TRHDE: variants seen among roughly 807,000 people sequenced by gnomAD.
TRHDE encodes thyrotropin-releasing hormone-degrading ectoenzyme.
A neutral mutation model predicts 125.7 loss-of-function variants in TRHDE; 72 were observed. The observed-to-expected ratio is 0.57, with a 90% CI of 0.47 to 0.70. The LOEUF is 0.70. TRHDE is among the 30% of genes least tolerant of loss of function. The probability of loss-of-function intolerance (pLI) is 0.00; values close to 1 mark genes in which losing one functional copy is unlikely to be tolerated. For synonymous variants in TRHDE, 509 were observed against 509.1 expected (o/e 1.00, Z 0.00); for missense variants, 1,110 against 1,327.1 (o/e 0.84, Z 2.54).
chr12:72,134,638 T>A (rs1875940788), intron 2 of TRHDE, among the ~76,000 whole-genome samples: 1 of 152,088 alleles, frequency 6.6e-6, no homozygotes, highest in South Asian at 2.1e-4. Flanking sequence ...CAACCTGAAT[T>A]TACTCTTAAA....
intron 3 of TRHDE, among the ~76,000 whole-genome samples, chr12:72,427,797 G>C (rs139301157): frequency 1.5e-3 from 233 of 152,224 alleles, no homozygotes; most frequent in African/African-American, 5.5e-3. Context: ...GCACAGGCTG[G>C]ATGGCCATAT....
At chr12:72,473,206 C>T (rs1876732402) in intron 5 of TRHDE, 26 bp downstream of exon 5, 1 of 1,584,924 alleles carries the variant, frequency 6.3e-7, no homozygotes, top group African/African-American at 1.3e-5. Flanking sequence ...TTATTTGAAA[C>T]TTTTAGTAAA....
intron 2 of TRHDE, among the ~76,000 whole-genome samples, chr12:72,320,536 G>A (rs1469166187): frequency 1.7e-5 from 2 of 119,324 alleles, no homozygotes; most frequent in Non-Finnish European, 3.7e-5. Context: ...TGGATACAGA[G>A]GGTTGACTGT....
intron 3 of TRHDE, among the ~76,000 whole-genome samples, chr12:72,423,418 C>T (rs1874046547): frequency 6.6e-6 from 1 of 152,128 alleles, no homozygotes; most frequent in African/African-American, 2.4e-5. Flanking sequence ...TCAAGACCAC[C>T]AGTCAAAAAT....
intron 1 of TRHDE, among the ~76,000 whole-genome samples, chr12:72,096,702 A>G (rs1874931053): frequency 6.6e-6 from 1 of 152,238 alleles, no homozygotes; most frequent in African/African-American, 2.4e-5. Flanking sequence ...TGAATAAAGA[A>G]TAGCCCAGCT....
chr12:72,280,610 C>A (rs1190206753), intron 1 of TRHDE, among the ~76,000 whole-genome samples: 1 of 152,120 alleles, frequency 6.6e-6, no homozygotes, highest in Non-Finnish European at 1.5e-5. Context: ...AATCTCCCAG[C>A]TTGGATCAAA....
intron 2 of TRHDE, among the ~76,000 whole-genome samples, chr12:72,299,228 G>C (rs761888981): frequency 6.6e-6 from 1 of 152,124 alleles, no homozygotes; most frequent in Admixed American, 6.6e-5. Context: ...TTCTTGGAAG[G>C]CCTTTGTACT....
At chr12:72,402,953 C>T (rs1314274799) in intron 3 of TRHDE, among the ~76,000 whole-genome samples, 3 of 152,264 alleles carry the variant, frequency 2.0e-5, no homozygotes, top group African/African-American at 7.2e-5. Flanking sequence ...CCCTTTGCTT[C>T]GTCCAATCTC....
intron 2 of TRHDE, among the ~76,000 whole-genome samples, chr12:72,309,178 T>G (rs746045722): frequency 6.6e-6 from 1 of 152,018 alleles, no homozygotes; most frequent in Non-Finnish European, 1.5e-5. Context: ...TGAGTTTGAG[T>G]TGGTGAGCCT....
chr12:72,318,270 G>C (rs970608370), intron 2 of TRHDE, among the ~76,000 whole-genome samples: 2 of 152,122 alleles, frequency 1.3e-5, no homozygotes, highest in African/African-American at 4.8e-5. Flanking sequence ...GTACATTCTA[G>C]ATAAAGGTCT....
At chr12:72,591,632 G>GTTTTTTTTTTTTTTTTTTTTTTTTTTT (rs71071842) in intron 12 of TRHDE, among the ~76,000 whole-genome samples, 2 of 125,430 alleles carry the variant, frequency 1.6e-5, no homozygotes, top group African/African-American at 6.4e-5. Flanking sequence ...AAGGATATGG[G>GTTTTTTTTTTTTTTTTTTTTTTTTTTT]TTTTTTTTTT....
At chr12:72,092,676 T>C (rs1874819756) in intron 1 of TRHDE, among the ~76,000 whole-genome samples, 1 of 152,208 alleles carries the variant, frequency 6.6e-6, no homozygotes, top group East Asian at 1.9e-4. Context: ...GAGTGCAATG[T>C]GATGTTTGGT....
chr12:72,524,834 C>T (rs937755426), intron 6 of TRHDE, among the ~76,000 whole-genome samples: 1 of 152,112 alleles, frequency 6.6e-6, no homozygotes, highest in Non-Finnish European at 1.5e-5. Flanking sequence ...GGCCCCGCAA[C>T]ACTTTGTCTG....
At chr12:72,286,181 C>G (rs542991818) in intron 1 of TRHDE, among the ~76,000 whole-genome samples, 3 of 152,190 alleles carry the variant, frequency 2.0e-5, no homozygotes, top group Admixed American at 6.5e-5. Context: ...TATCAGGTCT[C>G]AAAATCCTTT....
At chr12:72,271,754 C>T (rs1454418345), upstream of TRHDE, 1 of 379,790 alleles carries the variant, frequency 2.6e-6, no homozygotes, top group African/African-American at 2.1e-5. Flanking sequence ...CACACATGCA[C>T]ACGCGCTCGG....
intron 2 of TRHDE, among the ~76,000 whole-genome samples, chr12:72,177,099 A>G (rs540159463): frequency 1.6e-4 from 25 of 152,180 alleles, no homozygotes; most frequent in African/African-American, 5.8e-4. Flanking sequence ...CTTAAAAATG[A>G]TATGTGTCGG....
In TRHDE at chr12:72,155,904, C is replaced by T. The variant is rs149967325; in HGVS notation, n.279+50152C>T. On this transcript the variant is annotated intron_variant and non_coding_transcript_variant, in intron 2 of 4. Transcript: ENST00000548156. ...ATCTCTAGCTGCGTGCTGGGAGAAC[C>T]ACTACTCTCTTAAAAGCTGTCAGAC... Among the ~76,000 whole-genome samples, 585 of 152,280 alleles carry T rather than the reference C, an allele frequency of 3.8e-3. 3 individuals are homozygous for T. Among genetic ancestry groups the T allele is most frequent in the Non-Finnish European group, 6.2e-3 (423 of 68,020 alleles).
Position 72,508,450 on chromosome 12 carries a change from G to T in TRHDE, c.1722+8815G>T, listed in dbSNP as rs558917488. Among the ~76,000 whole-genome samples, 31 of 152,336 alleles carry T rather than the reference G, an allele frequency of 2.0e-4. No homozygotes were observed. The South Asian group carries it at 6.4e-3, about 32-fold the overall frequency. On this transcript the variant is annotated intron_variant, in intron 6 of 18. Transcript: ENST00000261180. The stretch of plus-strand genomic sequence containing the variant: ...AAAGGAGGATATTCTGGAGTTTTAA[G>T]ATTTAATCACTGCCCTGCTGGGTTT...
rs759292565 is a variant in TRHDE, at chr12:72,542,305, A to T, written c.1737A>T (p.Ile579=). The T allele has an allele frequency of 6.2e-7, 1 of 1,604,154 alleles. No homozygotes were observed. Among genetic ancestry groups the T allele is most frequent in the Non-Finnish European group, 8.5e-7 (1 of 1,173,878 alleles). The stretch of plus-strand genomic sequence containing the variant: ...CTTTCCTATAGGGTGCTGCTTTAAT[A>T]AGAATGCTGGCTAATTTTATGGGCC... ...WIAYKKGAAL[I]RMLANFMGHS... is the part of the protein sequence containing the mutation. Residue 579 remains isoleucine (I), a synonymous_variant, in exon 7 of 19, where the codon ATA becomes ATT. Transcript: ENST00000261180.
Sources: allele counts gnomAD v4.1 joint callset (sites outside exome capture counted in the v4.1 genomes callset), GRCh38; gene constraint gnomAD v4.1.1; transcripts MANE v1.5; gene names NCBI Gene and HGNC (gene_info 2026-07-23, HGNC 2026-07-21).